Variants in ADAMTS12 observed in about 807,000 individuals in gnomAD.
The protein encoded by ADAMTS12 is ADAM metallopeptidase with thrombospondin type 1 motif 12, also known as A disintegrin and metalloproteinase with thrombospondin motifs 12.
A neutral mutation model predicts 167.8 loss-of-function variants in ADAMTS12; 118 were observed. That is an observed-to-expected ratio of 0.70 (90% confidence interval 0.61 to 0.82). The LOEUF (loss-of-function observed/expected upper bound fraction) is 0.82. Ranked by LOEUF, ADAMTS12 falls within the 40% of genes least tolerant of loss-of-function variation. ADAMTS12 has a pLI of 0.00. For synonymous variants in ADAMTS12, 704 were observed against 716.9 expected, an observed-to-expected ratio of 0.98 and a Z score of 0.29; for missense variants, 1,916 against 1,998.8, an observed-to-expected ratio of 0.96 and a Z score of 0.79.
intron 5 of ADAMTS12, among the ~76,000 whole-genome samples, chr5:33,673,019 A>G (rs1741773045): frequency 1.3e-5 from 2 of 152,202 alleles, no homozygotes; most frequent in Non-Finnish European, 2.9e-5. Context: ...ATAACTGGAA[A>G]GACTTAGTAA....
At chr5:33,560,151 T>C (rs1012105050) in intron 20 of ADAMTS12, among the ~76,000 whole-genome samples, 11 of 152,236 alleles carry the variant, frequency 7.2e-5, no homozygotes, top group African/African-American at 2.7e-4. Flanking sequence ...CTGGTTTATC[T>C]TGTAAGAGAA....
chr5:33,758,656 G>C (rs572417996), intron 2 of ADAMTS12, among the ~76,000 whole-genome samples: 2 of 152,280 alleles, frequency 1.3e-5, no homozygotes, highest in East Asian at 3.9e-4. Flanking sequence ...GGACGGGGTA[G>C]GCAGTATCTG....
intron 2 of ADAMTS12, among the ~76,000 whole-genome samples, chr5:33,769,751 T>A (rs1204216104): frequency 6.6e-6 from 1 of 152,148 alleles, no homozygotes; most frequent in African/African-American, 2.4e-5. Flanking sequence ...CCAAAAGGAA[T>A]CTGGTCAAGC....
At chr5:33,676,786 C>A (rs1481559992) in intron 5 of ADAMTS12, among the ~76,000 whole-genome samples, 3 of 151,942 alleles carry the variant, frequency 2.0e-5, no homozygotes, top group Non-Finnish European at 4.4e-5. Flanking sequence ...AAGAACAATA[C>A]AGACCCACAC....
At chr5:33,575,778 G>A (rs556578998) in intron 19 of ADAMTS12, among the ~76,000 whole-genome samples, 2 of 152,182 alleles carry the variant, frequency 1.3e-5, no homozygotes, top group Admixed American at 6.5e-5. Context: ...AATTGTACAC[G>A]GCAGGAACTC....
At chr5:33,529,644 C>G (rs1005333936) in intron 23 of ADAMTS12, among the ~76,000 whole-genome samples, 1 of 152,078 alleles carries the variant, frequency 6.6e-6, no homozygotes, top group East Asian at 1.9e-4. Flanking sequence ...ATCATAAAGG[C>G]AAAAAATTCT....
chr5:33,807,757 G>C (rs1747294108), intron 2 of ADAMTS12, among the ~76,000 whole-genome samples: 1 of 152,082 alleles, frequency 6.6e-6, no homozygotes, highest in African/African-American at 2.4e-5. Flanking sequence ...TACATACCTG[G>C]GCAAGCGCAA....
Position 33,744,910 on chromosome 5 carries a change from C to A in ADAMTS12, c.634+6494G>T, listed in dbSNP as rs536379332. On this transcript the variant is annotated intron_variant, in intron 3 of 23. Transcript: ENST00000504830. ...GCTCACTGCAGCCTCAATCTCCCAG[C>A]CCAAGCAATCCTTCTGCCTCAGCCT... Among the ~76,000 whole-genome samples, 5 of 152,274 alleles carry A rather than the reference C, an allele frequency of 3.3e-5. No individual in the cohort carries two copies. In the South Asian group the frequency reaches 8.3e-4, roughly 25 times the overall value.
At chr5:33,821,391 G>A (rs1360900423) in intron 2 of ADAMTS12, among the ~76,000 whole-genome samples, 1 of 151,916 alleles carries the variant, frequency 6.6e-6, no homozygotes, top group Admixed American at 6.6e-5. Context: ...TCTATTTTTT[G>A]GCATTTAGTT....
At chr5:33,608,186 T>C (rs1470813152) in intron 16 of ADAMTS12, among the ~76,000 whole-genome samples, 1 of 152,202 alleles carries the variant, frequency 6.6e-6, no homozygotes, top group Non-Finnish European at 1.5e-5. Context: ...TAAGTAGCAC[T>C]GTGCCACACC....
intron 2 of ADAMTS12, among the ~76,000 whole-genome samples, chr5:33,873,514 G>A (rs911378398): frequency 4.6e-5 from 7 of 152,122 alleles, no homozygotes; most frequent in African/African-American, 1.7e-4. Context: ...TAGACTTAAT[G>A]CAATCCCAAC....
At chr5:33,853,474 A>C (rs1263211335) in intron 2 of ADAMTS12, among the ~76,000 whole-genome samples, 2 of 152,170 alleles carry the variant, frequency 1.3e-5, no homozygotes, top group Non-Finnish European at 2.9e-5. Context: ...TTTGAACATA[A>C]CGCAACACAG....
intron 2 of ADAMTS12, among the ~76,000 whole-genome samples, chr5:33,798,185 G>A (rs1746849447): frequency 6.6e-6 from 1 of 150,918 alleles, no homozygotes; most frequent in African/African-American, 2.5e-5. Flanking sequence ...ACACTCTCAT[G>A]ACATTTTTTT....
At chr5:33,709,090 A>T (rs1490094870) in intron 3 of ADAMTS12, among the ~76,000 whole-genome samples, 5 of 152,246 alleles carry the variant, frequency 3.3e-5, no homozygotes. Flanking sequence ...TGCAGCCAAC[A>T]AACATGAAAA....
intron 2 of ADAMTS12, among the ~76,000 whole-genome samples, chr5:33,821,600 C>T (rs868644742): frequency 2.4e-4 from 37 of 152,280 alleles, no homozygotes; most frequent in African/African-American, 8.9e-4. Context: ...ACCAGCAGTA[C>T]GTGACTGAGG....
chr5:33,847,132 G>C (rs1748974032), intron 2 of ADAMTS12, among the ~76,000 whole-genome samples: 1 of 152,212 alleles, frequency 6.6e-6, no homozygotes, highest in African/African-American at 2.4e-5. Context: ...TGAGAGTGAA[G>C]CCCTAATCCA....
intron 3 of ADAMTS12, among the ~76,000 whole-genome samples, chr5:33,719,826 C>A (rs927989568): frequency 2.0e-5 from 3 of 152,174 alleles, no homozygotes; most frequent in African/African-American, 4.8e-5. Flanking sequence ...ATGCTGTATA[C>A]TTTTTAAAGG....
chr5:33,527,401 A>T, intron 23 of ADAMTS12, 35 bp from the exon 24 acceptor site: 1 of 1,602,966 alleles, frequency 6.2e-7, no homozygotes, highest in Non-Finnish European at 8.5e-7. Context: ...AAAAAAGTCC[A>T]AAGATTATCC....
Position 33,614,117 on chromosome 5 carries a change from C to T in ADAMTS12, c.2527+121G>A, listed in dbSNP as rs375668992. The T allele has an allele frequency of 1.5e-3, 2,023 of 1,354,960 alleles. 50 individuals are homozygous for T. In the South Asian group the frequency reaches 0.029, roughly 19 times the overall value. The allele number at this position is 1,354,960 out of a possible 1,614,324, so 83.9% of individuals were successfully genotyped here. A position where few individuals can be genotyped will look rare whatever the true frequency, so the allele number is the denominator to read the frequency against. On this transcript the variant is annotated intron_variant, in intron 16 of 23. Transcript: ENST00000504830. ...TTCACTGTCCGCAGAGGCCCCTGGC[C>T]ATCTCAGTGGAGCCCTGCAGATCCA...
Sources: gnomAD v4.1 joint callset for allele counts (sites outside exome capture counted in the v4.1 genomes callset) on GRCh38, gnomAD v4.1.1 for gene constraint, MANE v1.5 for transcripts, NCBI Gene and HGNC (gene_info 2026-07-23, HGNC 2026-07-21) for gene names.